ANGPT2: variants seen among roughly 807,000 people sequenced by gnomAD.
ANGPT2 encodes angiopoietin 2.
A neutral mutation model predicts 62.9 loss-of-function variants in ANGPT2; 28 were observed. The ratio of observed to expected loss-of-function variants is 0.44; its 90% CI spans 0.33 to 0.61. ANGPT2 has a LOEUF of 0.61. Ranked by LOEUF, ANGPT2 falls within the 20% of genes least tolerant of loss-of-function variation. The pLI, the probability that ANGPT2 is intolerant of heterozygous loss-of-function variation, is 0.03. For missense variants in ANGPT2, 727 were observed against 594.9 expected (o/e 1.22, Z -2.31); for synonymous variants, 284 against 207.8 (o/e 1.37, Z -3.15).
intron 1 of ANGPT2, among the ~76,000 whole-genome samples, chr8:6,558,680 G>A (rs998390857): frequency 3.3e-5 from 5 of 152,080 alleles, no homozygotes; most frequent in African/African-American, 1.2e-4. Flanking sequence ...TAAGGTTATG[G>A]AAATCCATTT....
At position 6,505,320 on chromosome 8, in the gene ANGPT2, G is replaced by T. The variant is rs1199301052; in HGVS notation, c.1328-2059C>A. Among the ~76,000 whole-genome samples the T allele has an allele frequency of 8.2e-5, 4 of 48,566 alleles. 1 individual carries two copies. Among genetic ancestry groups the T allele is most frequent in the African/African-American group, 4.7e-4 (4 of 8,514 alleles). The allele number at this position is 48,566 out of a possible 152,430, so 31.9% of individuals were successfully genotyped here. On this transcript the variant is annotated intron_variant, in intron 8 of 8. Transcript: ENST00000629816. ...ATATATATGTATATAACATATATAT[G>T]TTATATACATATAGAAAGAATATAT...
chr8:6,501,129 G>C lies in ANGPT2; in HGVS notation c.*1972C>G, dbSNP rs1812097263. On this transcript the variant is annotated 3_prime_UTR_variant, in exon 9 of 9. Transcript: ENST00000629816. ...TCTAAGATAGGGAGGTTCTTAACTA[G>C]TTAAATAGTTGTTGGAAAAGTGCAC... is the stretch of plus-strand genomic sequence containing the variant. 6.6e-6 allele frequency: 1 copy of C among 152,182 alleles called. No individual in the cohort carries two copies. Among genetic ancestry groups the C allele is most frequent in the Admixed American group, 6.5e-5 (1 of 15,272 alleles). 9.4% of individuals were successfully genotyped at this position (152,182 alleles called of 1,614,324 possible).
chr8:6,532,592 ATC>A, intron 1 of ANGPT2, 105 bp from the exon 2 acceptor site: 4 of 806,162 alleles, frequency 5.0e-6, no homozygotes, highest in Non-Finnish European at 7.0e-6. Flanking sequence ...AAAAAAAAAA[ATC>A]TATCAAAAGA....
At chr8:6,517,755 G>T (rs1259029206) in intron 5 of ANGPT2, among the ~76,000 whole-genome samples, 1 of 152,142 alleles carries the variant, frequency 6.6e-6, no homozygotes. Flanking sequence ...CTCTCAGAAA[G>T]GTTAAATGAC....
intron 2 of ANGPT2, among the ~76,000 whole-genome samples, chr8:6,530,948 A>G (rs1292526663): frequency 6.6e-6 from 1 of 152,150 alleles, no homozygotes; most frequent in Non-Finnish European, 1.5e-5. Flanking sequence ...TTTTTGCTGA[A>G]GTAGCATTTA....
intron 5 of ANGPT2, among the ~76,000 whole-genome samples, chr8:6,516,966 A>T (rs118192039): frequency 1.3e-3 from 204 of 152,326 alleles, no homozygotes; most frequent in Non-Finnish European, 1.8e-3. Flanking sequence ...TGATGATGAT[A>T]AGGTTATTAG....
intron 5 of ANGPT2, among the ~76,000 whole-genome samples, chr8:6,519,396 A>G (rs375488490): frequency 1.3e-5 from 2 of 152,350 alleles, no homozygotes; most frequent in East Asian, 3.9e-4. Context: ...ACAAGTCACT[A>G]TGCAGTCACA....
At chr8:6,546,852 C>G (rs1822670063) in intron 1 of ANGPT2, among the ~76,000 whole-genome samples, 1 of 152,114 alleles carries the variant, frequency 6.6e-6, no homozygotes, top group Non-Finnish European at 1.5e-5. Flanking sequence ...GCGAGTAAGT[C>G]AAAAAGAACT....
At chr8:6,521,139 G>T in intron 4 of ANGPT2, 39 bp downstream of exon 4, 1 of 1,559,196 alleles carries the variant, frequency 6.4e-7, no homozygotes, top group Non-Finnish European at 8.8e-7. Context: ...ACTGACTAAA[G>T]GTTATTAACG....
chr8:6,560,296 C>T (rs942285622), intron 1 of ANGPT2, among the ~76,000 whole-genome samples: 10 of 152,120 alleles, frequency 6.6e-5, no homozygotes, highest in Middle Eastern at 3.2e-3. Context: ...GCTTTCTGTG[C>T]TAATTAAATC....
chr8:6,533,997 G>A lies in ANGPT2; in HGVS notation c.289-1510C>T, dbSNP rs557155286. Among the ~76,000 whole-genome samples, 3 of 152,042 alleles carry A rather than the reference G, an allele frequency of 2.0e-5. No homozygotes were observed. The South Asian group carries it at 6.2e-4, about 32-fold the overall frequency. ...CTGGAACTATAAGTTTCCTGTTTCC[G>A]ATGCCCCCTCGCCATCGACTCTGCC... On this transcript the variant is annotated intron_variant, in intron 1 of 8. Coordinates refer to ENST00000629816, the MANE Select transcript of ANGPT2 (RefSeq NM_001118887.2).
intron 1 of ANGPT2, among the ~76,000 whole-genome samples, chr8:6,551,728 A>G (rs1459181405): frequency 6.6e-6 from 1 of 152,246 alleles, no homozygotes; most frequent in African/African-American, 2.4e-5. Context: ...CTTAATAGTT[A>G]AAAATAGTAA....
intron 1 of ANGPT2, among the ~76,000 whole-genome samples, chr8:6,550,291 C>CG (rs1554447692): frequency 1.3e-5 from 2 of 152,136 alleles, no homozygotes; most frequent in Non-Finnish European, 2.9e-5. Context: ...GTTGAATCCC[C>CG]GGGGCATCTG....
At chr8:6,535,203 A>T (rs1197272899) in intron 1 of ANGPT2, among the ~76,000 whole-genome samples, 1 of 152,220 alleles carries the variant, frequency 6.6e-6, no homozygotes, top group Non-Finnish European at 1.5e-5. Context: ...ACAACCAGAG[A>T]GGGAAAATGA....
intron 1 of ANGPT2, among the ~76,000 whole-genome samples, chr8:6,559,324 C>T (rs986782270): frequency 6.6e-6 from 1 of 152,096 alleles, no homozygotes; most frequent in African/African-American, 2.4e-5. Context: ...CCCTCACCAT[C>T]CATTTCTCCC....
intron 1 of ANGPT2, among the ~76,000 whole-genome samples, chr8:6,535,726 G>T (rs989726460): frequency 2.2e-4 from 33 of 152,096 alleles, no homozygotes; most frequent in African/African-American, 7.7e-4. Flanking sequence ...CCAAAAATGT[G>T]CAGTAGTAGA....
At chr8:6,545,850 G>A (rs141670923) in intron 1 of ANGPT2, among the ~76,000 whole-genome samples, 5 of 152,320 alleles carry the variant, frequency 3.3e-5, no homozygotes, top group East Asian at 3.9e-4. Context: ...AAGTGAAATC[G>A]ATTGAATTTA....
chr8:6,531,577 C>A (rs1171493862), intron 2 of ANGPT2, among the ~76,000 whole-genome samples: 1 of 152,168 alleles, frequency 6.6e-6, no homozygotes. Flanking sequence ...CAGGCGTGAG[C>A]TACTGCGCCT....
intron 1 of ANGPT2, among the ~76,000 whole-genome samples, chr8:6,541,914 G>A (rs1188695480): frequency 6.6e-6 from 1 of 151,860 alleles, no homozygotes. Flanking sequence ...AGGCTAAGGT[G>A]GGAGGATTGC....
Sources: gnomAD v4.1 joint callset for allele counts (sites outside exome capture counted in the v4.1 genomes callset) on GRCh38, gnomAD v4.1.1 for gene constraint, MANE v1.5 for transcripts, NCBI Gene and HGNC (gene_info 2026-07-23, HGNC 2026-07-21) for gene names.